LARP4B: variants seen among roughly 807,000 people sequenced by gnomAD.
LARP4B encodes la-related protein 4B.
In LARP4B, 12 loss-of-function variants were observed where a neutral mutation model predicts 89.8. The ratio of observed to expected loss-of-function variants is 0.13; its 90% CI spans 0.09 to 0.22. The LOEUF is 0.22. Among genes scored for constraint, LARP4B ranks in the 10% least tolerant of loss-of-function variants. LARP4B has a pLI of 1.00. For missense variants in LARP4B, 757 were observed against 947.7 expected (o/e 0.80, Z 2.64); for synonymous variants, 367 against 363.3 (o/e 1.01, Z -0.12).
At chr10:986,193 C>A in the LARP4B span, 1 of 152,200 alleles carries the variant, frequency 6.6e-6, no homozygotes, top group Non-Finnish European at 1.5e-5. Flanking sequence ...ATAAAAAGGT[C>A]TGAAAAACAA....
intron 5 of LARP4B, among the ~76,000 whole-genome samples, chr10:858,726 T>C (rs34270014): frequency 0.17 from 25,581 of 152,118 alleles, 2,325 homozygotes; most frequent in Non-Finnish European, 0.19. Flanking sequence ...AGGCAAAGGA[T>C]TTGAATAGAC....
At chr10:985,026 A>T in the LARP4B span, among the ~76,000 whole-genome samples, 2 of 152,216 alleles carry the variant, frequency 1.3e-5, no homozygotes, top group South Asian at 4.1e-4. Flanking sequence ...GCAAAAGGAG[A>T]GTGGCTTTGG....
At chr10:955,943 C>T in the LARP4B span, among the ~76,000 whole-genome samples, 2 of 152,114 alleles carry the variant, frequency 1.3e-5, no homozygotes, top group Non-Finnish European at 2.9e-5. This position sits in a 1 kb window ranked among gnomAD's most constrained non-coding sequence, Gnocchi z 5.2. Flanking sequence ...GCCACTGTTC[C>T]CCACTGGCTG....
the LARP4B span, among the ~76,000 whole-genome samples, chr10:968,960 G>A: frequency 6.6e-6 from 1 of 152,240 alleles, no homozygotes; most frequent in Non-Finnish European, 1.5e-5. Context: ...CGGAACAACA[G>A]CTATTCTCCA....
intron 1 of LARP4B, among the ~76,000 whole-genome samples, chr10:899,443 T>C (rs1391042020): frequency 6.6e-6 from 1 of 152,218 alleles, no homozygotes; most frequent in East Asian, 1.9e-4. Context: ...TGCCTTTTCC[T>C]GGAACACAGG....
intron 1 of LARP4B, among the ~76,000 whole-genome samples, chr10:921,934 G>T (rs1274013760): frequency 2.6e-5 from 4 of 152,216 alleles, no homozygotes; most frequent in Non-Finnish European, 5.9e-5. Context: ...TTCACTGACA[G>T]CGTGAAGAAG....
At chr10:841,776 G>A (rs1032722931) in intron 7 of LARP4B, among the ~76,000 whole-genome samples, 10 of 152,102 alleles carry the variant, frequency 6.6e-5, no homozygotes, top group South Asian at 2.1e-4. Flanking sequence ...CAGCAGTGCC[G>A]CTCTCAGAAC....
At chr10:956,952 C>T in the LARP4B span, among the ~76,000 whole-genome samples, 3 of 152,158 alleles carry the variant, frequency 2.0e-5, no homozygotes, top group African/African-American at 7.2e-5. This position sits in a 1 kb window ranked among gnomAD's most constrained non-coding sequence, Gnocchi z 4.3. Flanking sequence ...ATCTCCAAGG[C>T]CTCGTCTGGA....
At chr10:947,611 A>G in the LARP4B span, among the ~76,000 whole-genome samples, 1 of 152,124 alleles carries the variant, frequency 6.6e-6, no homozygotes, top group Non-Finnish European at 1.5e-5. Context: ...CCTTAATGAA[A>G]TGAGTTTTTT....
chr10:924,369 A>G (rs142076086), intron 1 of LARP4B: 1 of 152,224 alleles, frequency 6.6e-6, no homozygotes, highest in Non-Finnish European at 1.5e-5. Flanking sequence ...CACAAGAAGA[A>G]AGAGATTCCC....
intron 1 of LARP4B, among the ~76,000 whole-genome samples, chr10:898,898 T>C (rs1051972734): frequency 2.6e-5 from 4 of 152,228 alleles, no homozygotes; most frequent in Non-Finnish European, 4.4e-5. Flanking sequence ...TATTCAACTA[T>C]ATGTGCCTGG....
intron 1 of LARP4B, among the ~76,000 whole-genome samples, chr10:886,239 T>C (rs1448671179): frequency 6.6e-6 from 1 of 152,170 alleles, no homozygotes; most frequent in Non-Finnish European, 1.5e-5. Context: ...CACTAATTAT[T>C]GGGGAAATGC....
intron 3 of LARP4B, among the ~76,000 whole-genome samples, chr10:880,991 C>T (rs1026736932): frequency 6.6e-6 from 1 of 152,070 alleles, no homozygotes; most frequent in Non-Finnish European, 1.5e-5. Flanking sequence ...GTAGTGTCTC[C>T]AAGGGAAAAG....
intron 3 of LARP4B, among the ~76,000 whole-genome samples, chr10:876,777 G>C (rs1265021656): frequency 6.6e-6 from 1 of 152,156 alleles, no homozygotes; most frequent in African/African-American, 2.4e-5. Context: ...CCAAATTTCT[G>C]CTTGCCATTG....
the LARP4B span, among the ~76,000 whole-genome samples, chr10:962,906 C>G: frequency 6.6e-6 from 1 of 152,062 alleles, no homozygotes; most frequent in African/African-American, 2.4e-5. Flanking sequence ...CACCTGAACT[C>G]CAGATGAGAC....
At chr10:843,169 T>C (rs1833606964) in intron 6 of LARP4B, 101 bp from the exon 7 acceptor site, 5 of 1,044,330 alleles carry the variant, frequency 4.8e-6, no homozygotes, top group East Asian at 2.6e-5. Context: ...TGGCATGGTA[T>C]TGCTTTGGAG....
At chr10:872,533 T>C (rs1372693076) in intron 3 of LARP4B, among the ~76,000 whole-genome samples, 1 of 152,238 alleles carries the variant, frequency 6.6e-6, no homozygotes, top group Non-Finnish European at 1.5e-5. Context: ...CAACAGGGTT[T>C]CCATCTTTCC....
At chr10:860,832 A>G (rs1172597210) in intron 5 of LARP4B, among the ~76,000 whole-genome samples, 1 of 152,026 alleles carries the variant, frequency 6.6e-6, no homozygotes, top group Non-Finnish European at 1.5e-5. Flanking sequence ...AAAAAAATCT[A>G]CGAAACGCAA....
At chr10:854,245 G>C (rs1204848915) in intron 5 of LARP4B, among the ~76,000 whole-genome samples, 1 of 151,992 alleles carries the variant, frequency 6.6e-6, no homozygotes, top group Non-Finnish European at 1.5e-5. Context: ...ACCCCTCAAT[G>C]TCCTCCGTGA....
Sources: gnomAD v4.1 joint callset for allele counts (sites outside exome capture counted in the v4.1 genomes callset) on GRCh38, gnomAD v4.1.1 for gene constraint, Gnocchi (gnomAD v3.1) non-coding constraint, MANE v1.5 for transcripts, NCBI Gene and HGNC (gene_info 2026-07-23, HGNC 2026-07-21) for gene names.